Variants in CBLB observed in about 807,000 individuals in gnomAD.
CBLB encodes Cbl proto-oncogene B, also known as E3 ubiquitin-protein ligase CBL-B.
CBLB carries 31 observed loss-of-function variants against 104.9 expected under a neutral mutation model. The ratio of observed to expected loss-of-function variants is 0.30; its 90% confidence interval spans 0.22 to 0.40. The LOEUF is 0.40. CBLB is among the 10% of genes least tolerant of loss of function. The probability of loss-of-function intolerance (pLI) is 1.00; values close to 1 mark genes in which losing one functional copy is unlikely to be tolerated. For synonymous variants in CBLB, 440 were observed against 422.6 expected (o/e 1.04, Z -0.51); for missense variants, 1,062 against 1,214.6 (o/e 0.87, Z 1.87).
intron 3 of CBLB, among the ~76,000 whole-genome samples, chr3:105,799,666 G>GT (rs1365410076): frequency 2.0e-5 from 3 of 151,914 alleles, no homozygotes; most frequent in Non-Finnish European, 2.9e-5. Context: ...ACAATAAAAT[G>GT]TTTTTTTAAA....
At position 105,702,304 on chromosome 3, in the gene CBLB, G is replaced by A. The variant is rs2069262352; in HGVS notation, c.1749C>T (p.Ser583=). The change falls in exon 12 of 19, where the codon TCC becomes TCT. Residue 583 remains serine (S), a synonymous_variant. Coordinates refer to ENST00000394030, the MANE Select transcript of CBLB (RefSeq NM_170662.5). ...RHIHHVESVP[S]RDPPMPLEAW... ...CTTCAAGAGGCATTGGCGGGTCTCT[G>A]GAAGGCACGCTTTCCACATGATGGA... The A allele has an allele frequency of 1.2e-6, 2 of 1,613,714 alleles. No individual in the cohort carries two copies. The highest frequency in any genetic ancestry group is 2.7e-5 in the African/African-American group (2 of 74,816).
chr3:105,715,146 T>C (rs1437878869), intron 10 of CBLB, among the ~76,000 whole-genome samples: 1 of 152,234 alleles, frequency 6.6e-6, no homozygotes, highest in Non-Finnish European at 1.5e-5. Context: ...TAGCAACAGA[T>C]ACTGTTTTTT....
intron 2 of CBLB, among the ~76,000 whole-genome samples, chr3:105,859,676 A>G (rs1028207901): frequency 1.3e-5 from 2 of 151,246 alleles, no homozygotes; most frequent in African/African-American, 4.9e-5. Context: ...AAAAAAAAAA[A>G]AAAAAAGAAA....
chr3:105,710,990 A>G (rs906467777), intron 10 of CBLB, among the ~76,000 whole-genome samples: 6 of 151,900 alleles, frequency 3.9e-5, no homozygotes, highest in Non-Finnish European at 7.4e-5. Flanking sequence ...AACTCATTCT[A>G]TTTTAGTCAC....
At chr3:105,676,352 ATAAC>A (rs1232251210) in intron 17 of CBLB, among the ~76,000 whole-genome samples, 2 of 152,232 alleles carry the variant, frequency 1.3e-5, no homozygotes, top group African/African-American at 4.8e-5. Flanking sequence ...GATAAAATAA[ATAAC>A]TAAAACCTTT....
chr3:105,854,178 T>C (rs1466624943), intron 2 of CBLB, among the ~76,000 whole-genome samples: 1 of 152,260 alleles, frequency 6.6e-6, no homozygotes, highest in East Asian at 1.9e-4. Flanking sequence ...AAGTAGTAAA[T>C]GTGTGTCAGG....
chr3:105,747,095 T>A (rs2076173678), intron 5 of CBLB, among the ~76,000 whole-genome samples: 2 of 152,182 alleles, frequency 1.3e-5, no homozygotes, highest in South Asian at 4.1e-4. Context: ...TAGTTGTCTC[T>A]CCAGTTACCA....
At chr3:105,845,007 G>C (rs1322006448) in intron 3 of CBLB, among the ~76,000 whole-genome samples, 1 of 152,002 alleles carries the variant, frequency 6.6e-6, no homozygotes, top group South Asian at 2.1e-4. Flanking sequence ...CTAAAAGCAG[G>C]CATTCTTTCT....
At position 105,702,308 on chromosome 3, in the gene CBLB, G is replaced by A; in HGVS notation, c.1745C>T (p.Pro582Leu). ...AAGAGGCATTGGCGGGTCTCTGGAAGGCACGCTTTCCACATGATGGATGTG... is the reference window on the plus strand; with the variant it reads ...AAGAGGCATTGGCGGGTCTCTGGAAAGCACGCTTTCCACATGATGGATGTG... Reference protein sequence around the residue: ...SRHIHHVESVPSRDPPMPLEA... With the variant: ...SRHIHHVESVLSRDPPMPLEA... The change falls in exon 12 of 19, where the codon CCT (proline) becomes CTT (leucine). Residue 582 changes from proline (P) to leucine (L), a missense_variant. Physicochemically the swap from Pro to Leu is moderately conservative, Grantham distance 98. Around this residue, in one of 2 missense-constraint regions of CBLB, gnomAD observed 605 missense variants for 582.6 expected, o/e 1.04. Transcript: ENST00000394030. 6.2e-7 allele frequency: 1 copy of A among 1,613,866 alleles called. No individual in the cohort carries two copies. Among genetic ancestry groups the A allele is most frequent in the Non-Finnish European group, 8.5e-7 (1 of 1,179,970 alleles).
chr3:105,853,377 G>T, intron 3 of CBLB, 37 bp downstream of exon 3: 1 of 1,600,908 alleles, frequency 6.2e-7, no homozygotes, highest in South Asian at 1.1e-5. Flanking sequence ...CAACATAAAT[G>T]ACCTTTACAC....
chr3:105,839,701 A>G (rs1416552622), intron 3 of CBLB, among the ~76,000 whole-genome samples: 1 of 152,250 alleles, frequency 6.6e-6, no homozygotes, highest in Non-Finnish European at 1.5e-5. Context: ...ATAAATGAGC[A>G]TGGCTCCGCC....
chr3:105,861,492 T>C (rs1193739314), intron 2 of CBLB, among the ~76,000 whole-genome samples: 1 of 152,058 alleles, frequency 6.6e-6, no homozygotes, highest in Non-Finnish European at 1.5e-5. Flanking sequence ...AAGTGGAAGT[T>C]ACATTTATTC....
chr3:105,839,909 A>G (rs1008576310), intron 3 of CBLB, among the ~76,000 whole-genome samples: 1 of 152,266 alleles, frequency 6.6e-6, no homozygotes, highest in Admixed American at 6.5e-5. Flanking sequence ...AGAGGAAAAA[A>G]TTCACACAAA....
intron 3 of CBLB, among the ~76,000 whole-genome samples, chr3:105,812,821 T>A (rs146662145): frequency 6.6e-6 from 1 of 152,310 alleles, no homozygotes; most frequent in Admixed American, 6.5e-5. Flanking sequence ...ACCTTCTTCT[T>A]GAATGCTGTT....
chr3:105,703,145 T>C (rs1425004942), intron 11 of CBLB, among the ~76,000 whole-genome samples: 2 of 152,196 alleles, frequency 1.3e-5, no homozygotes, highest in African/African-American at 2.4e-5. Flanking sequence ...TTCGTAGCTT[T>C]TGACTTTTAT....
intron 10 of CBLB, among the ~76,000 whole-genome samples, chr3:105,707,894 C>G (rs1347400372): frequency 6.6e-6 from 1 of 152,012 alleles, no homozygotes; most frequent in Non-Finnish European, 1.5e-5. Context: ...TCAATGTAGA[C>G]CAAAATTATT....
chr3:105,804,338 G>A (rs552113672), intron 3 of CBLB, among the ~76,000 whole-genome samples: 11 of 149,978 alleles, frequency 7.3e-5, no homozygotes, highest in Non-Finnish European at 1.2e-4. Context: ...GGGCAAGATG[G>A]TGAAACACCG....
intron 4 of CBLB, 65 bp downstream of exon 4, chr3:105,776,331 C>T: frequency 7.1e-7 from 1 of 1,399,562 alleles, no homozygotes; most frequent in Non-Finnish European, 1.0e-6. Flanking sequence ...CCATATCCAA[C>T]TGGAGGGAGG....
chr3:105,702,515 T>C (rs930386871), intron 11 of CBLB, 56 bp from the exon 12 acceptor site: 23 of 1,472,576 alleles, frequency 1.6e-5, no homozygotes, highest in African/African-American at 3.0e-5. Context: ...GGTTGTACCA[T>C]GCACTGACAG....
Sources: gnomAD v4.1 joint callset for allele counts (sites outside exome capture counted in the v4.1 genomes callset) on GRCh38, gnomAD v4.1.1 for gene constraint, gnomAD v4.1.1 regional missense constraint, MANE v1.5 for transcripts, NCBI Gene and HGNC (gene_info 2026-07-23, HGNC 2026-07-21) for gene names.